Variants in TPD52 observed in about 807,000 individuals in gnomAD.
The protein encoded by TPD52 is prostate and colon associated protein.
A neutral mutation model predicts 31.3 loss-of-function variants in TPD52; 17 were observed. The observed-to-expected ratio is 0.54, with a 90% CI of 0.37 to 0.82. TPD52 has a LOEUF of 0.82. Ranked by LOEUF, TPD52 falls within the 40% of genes least tolerant of loss-of-function variation. TPD52 has a pLI of 0.00. For missense variants in TPD52, 212 were observed against 240.1 expected, an observed-to-expected ratio of 0.88 and a Z score of 0.77; for synonymous variants, 83 against 89.6, an observed-to-expected ratio of 0.93 and a Z score of 0.42.
chr8:80,049,260 C>T (rs1341694248), intron 5 of TPD52, among the ~76,000 whole-genome samples: 1 of 152,156 alleles, frequency 6.6e-6, no homozygotes, highest in African/African-American at 2.4e-5. Flanking sequence ...CTAATAAAAG[C>T]CATGCGTTCT....
intron 1 of TPD52, among the ~76,000 whole-genome samples, chr8:80,072,758 TATACACACACACATATATATACAC>T (rs1814047276): frequency 6.7e-6 from 1 of 149,842 alleles, no homozygotes; most frequent in Admixed American, 6.6e-5. Flanking sequence ...TATATACATA[TATACACACACACATATATATACAC>T]ATACACACAC....
chr8:80,122,737 T>C (rs1165305400), intron 1 of TPD52: 3 of 152,300 alleles, frequency 2.0e-5, no homozygotes, highest in South Asian at 4.1e-4. Flanking sequence ...GCTTTGCTAC[T>C]TGTGTGTGTC....
chr8:80,103,320 C>T (rs1002220279), intron 1 of TPD52, among the ~76,000 whole-genome samples: 7 of 152,306 alleles, frequency 4.6e-5, no homozygotes, highest in Admixed American at 2.0e-4. Flanking sequence ...CAGAAATCAC[C>T]AACTAACCTC....
At chr8:80,125,349 T>C (rs1171077276) in intron 1 of TPD52, among the ~76,000 whole-genome samples, 2 of 152,098 alleles carry the variant, frequency 1.3e-5, no homozygotes, top group African/African-American at 4.8e-5. Context: ...GGTGGCACAT[T>C]TGAGGTTACA....
intron 1 of TPD52, among the ~76,000 whole-genome samples, chr8:80,138,668 G>A (rs887208821): frequency 1.6e-4 from 24 of 152,180 alleles, no homozygotes; most frequent in African/African-American, 5.8e-4. Flanking sequence ...CAACTGCTCA[G>A]ATCCAGGCCT....
chr8:80,151,684 TA>T (rs1810576944), intron 1 of TPD52, among the ~76,000 whole-genome samples: 1 of 152,262 alleles, frequency 6.6e-6, no homozygotes. Context: ...AACTTGTTGT[TA>T]ACCAATCAGC....
intron 1 of TPD52, among the ~76,000 whole-genome samples, chr8:80,098,685 T>C (rs548846527): frequency 1.3e-5 from 2 of 152,360 alleles, no homozygotes; most frequent in African/African-American, 4.8e-5. Context: ...ACTGTTGAAA[T>C]AACAACAAAG....
chr8:80,113,631 A>C (rs1807658924), intron 1 of TPD52, among the ~76,000 whole-genome samples: 1 of 152,190 alleles, frequency 6.6e-6, no homozygotes, highest in South Asian at 2.1e-4. Flanking sequence ...ATTCACAGCA[A>C]TATGGATGAG....
intron 1 of TPD52, among the ~76,000 whole-genome samples, chr8:80,091,034 A>C (rs1413407943): frequency 2.0e-5 from 3 of 152,228 alleles, no homozygotes; most frequent in African/African-American, 7.2e-5. Context: ...ACATATAATA[A>C]GCATAAGATG....
chr8:80,160,283 A>G (rs1158042770), intron 1 of TPD52, among the ~76,000 whole-genome samples: 1 of 152,162 alleles, frequency 6.6e-6, no homozygotes, highest in African/African-American at 2.4e-5. Flanking sequence ...AGCTCTCCAC[A>G]TCCAGCAGAG....
intron 1 of TPD52, among the ~76,000 whole-genome samples, chr8:80,140,389 G>A (rs1380316180): frequency 6.6e-6 from 1 of 152,144 alleles, no homozygotes; most frequent in Non-Finnish European, 1.5e-5. Flanking sequence ...CGGAACCACT[G>A]GGAACACCAG....
chr8:80,118,952 G>T (rs1358497436), intron 1 of TPD52, among the ~76,000 whole-genome samples: 1 of 152,102 alleles, frequency 6.6e-6, no homozygotes. Context: ...CAATATGTCT[G>T]TACAAAAAAA....
intron 1 of TPD52, among the ~76,000 whole-genome samples, chr8:80,139,595 T>G (rs1449250401): frequency 7.3e-6 from 1 of 136,126 alleles, no homozygotes; most frequent in Non-Finnish European, 1.6e-5. Flanking sequence ...GGGGAAAAAT[T>G]CAGCACAACC....
chr8:80,152,637 A>G (rs1345622876), intron 1 of TPD52, among the ~76,000 whole-genome samples: 1 of 151,808 alleles, frequency 6.6e-6, no homozygotes, highest in Non-Finnish European at 1.5e-5. Context: ...AAAAATTAGC[A>G]GGGCATGGTG....
At chr8:80,171,349 C>G in intron 1 of TPD52, 76 bp downstream of exon 1, 1 of 1,575,560 alleles carries the variant, frequency 6.3e-7, no homozygotes, top group Non-Finnish European at 8.6e-7. Context: ...CCGCGCTCAG[C>G]CCCGCGCCGA....
intron 1 of TPD52, among the ~76,000 whole-genome samples, chr8:80,068,990 G>A (rs1203927017): frequency 1.3e-5 from 2 of 152,178 alleles, no homozygotes; most frequent in African/African-American, 4.8e-5. Context: ...CATTTTATGT[G>A]AGGAAAATAA....
chr8:80,052,810 C>A, intron 3 of TPD52: 1 of 324,954 alleles, frequency 3.1e-6, no homozygotes. Flanking sequence ...TCTTTTGATA[C>A]CTACACAACA....
chr8:80,145,808 T>C (rs533652300), intron 1 of TPD52, among the ~76,000 whole-genome samples: 2 of 152,204 alleles, frequency 1.3e-5, no homozygotes, highest in Admixed American at 1.3e-4. Context: ...AAACCCACAG[T>C]GTTCCTGAAA....
intron 1 of TPD52, among the ~76,000 whole-genome samples, chr8:80,089,777 C>T (rs368076237): frequency 6.6e-6 from 1 of 152,188 alleles, no homozygotes; most frequent in Admixed American, 6.5e-5. Context: ...TATCTTACAA[C>T]AAAACTGAGA....
Sources: allele counts gnomAD v4.1 joint callset (sites outside exome capture counted in the v4.1 genomes callset), GRCh38; gene constraint gnomAD v4.1.1; transcripts MANE v1.5; gene names NCBI Gene and HGNC (gene_info 2026-07-23, HGNC 2026-07-21).